The following DHX8 variants were observed in gnomAD, a reference collection of about 807,000 sequenced individuals.
The protein encoded by DHX8 is ATP-dependent RNA helicase DHX8.
A neutral mutation model predicts 140.7 loss-of-function variants in DHX8; 67 were observed. That is an observed-to-expected ratio of 0.48 (90% CI 0.39 to 0.58). The LOEUF (loss-of-function observed/expected upper bound fraction) is 0.58, where lower values mean the gene tolerates loss of function less well. DHX8 is among the 20% of genes least tolerant of loss of function. The pLI, the probability that DHX8 is intolerant of heterozygous loss-of-function variation, is 0.00. For missense variants in DHX8, 887 were observed against 1,550.7 expected (o/e 0.57, Z 7.19); for synonymous variants, 533 against 553.2 (o/e 0.96, Z 0.51).
chr17:43,520,852 T>G lies in DHX8; in HGVS notation c.3039T>G (p.Ser1013=). The change falls in exon 20 of 23, where the codon TCT becomes TCG. Residue 1013 remains serine (S), a synonymous_variant. Coordinates refer to ENST00000262415, the MANE Select transcript of DHX8 (RefSeq NM_004941.3). ...EEMLTIVSML[S]VQNVFYRPKD... is the part of the protein sequence containing the mutation. The stretch of plus-strand genomic sequence containing the variant: ...TGCTGACCATTGTATCCATGCTGTC[T>G]GTGCAGAACGTCTTCTATAGGCCCA... The G allele has an allele frequency of 6.2e-7, 1 of 1,613,696 alleles. No homozygotes were observed. Among genetic ancestry groups the G allele is most frequent in the Non-Finnish European group, 8.5e-7 (1 of 1,179,864 alleles).
At position 43,525,412 on chromosome 17, in the gene DHX8, A is replaced by T; in HGVS notation, c.*1565A>T. On this transcript the variant is annotated 3_prime_UTR_variant, in exon 23 of 23. Coordinates refer to ENST00000262415, the MANE Select transcript of DHX8 (RefSeq NM_004941.3). ...TTCAGAAAGAGTCCGAGGGAGAGGA[A>T]TATAGGCCAGGCAATCTGCTGGCTG... The T allele has an allele frequency of 1.0e-6, 1 of 982,684 alleles. No individual in the cohort carries two copies. The highest frequency in any genetic ancestry group is 1.2e-6 in the Non-Finnish European group (1 of 827,456). 60.9% of individuals were successfully genotyped at this position (982,684 alleles called of 1,614,324 possible).
intron 18 of DHX8, 22 bp from the exon 19 acceptor site, chr17:43,520,108 G>A (rs537540531): frequency 6.2e-7 from 1 of 1,613,780 alleles, no homozygotes; most frequent in African/African-American, 1.3e-5. Flanking sequence ...CTTATCACAT[G>A]CCTTCTTCCT....
chr17:43,500,233 C>T, intron 11 of DHX8, 130 bp downstream of exon 11: 1 of 1,047,350 alleles, frequency 9.5e-7, no homozygotes, highest in Non-Finnish European at 1.3e-6. Context: ...GCCTGTAATC[C>T]CAGCACTTTG....
chr17:43,496,323 G>T (rs752492249), intron 9 of DHX8, 55 bp downstream of exon 9: 1 of 1,307,342 alleles, frequency 7.6e-7, no homozygotes, highest in Non-Finnish European at 1.1e-6. Flanking sequence ...CATTGAATTG[G>T]GTGATTTGCC....
chr17:43,501,145 T>C (rs1567683325), intron 11 of DHX8, among the ~76,000 whole-genome samples: 1 of 152,144 alleles, frequency 6.6e-6, no homozygotes, highest in East Asian at 1.9e-4. Context: ...ATAATTAAAT[T>C]ATGATCAGTG....
chr17:43,521,460 A>G lies in DHX8; in HGVS notation c.3158A>G (p.Lys1053Arg). The change falls in exon 21 of 23, where the codon AAG becomes AGG. Residue 1053 changes from lysine (K) to arginine (R), a missense_variant. By Grantham distance (26) the Lys-to-Arg change is conservative. Coordinates refer to ENST00000262415, the MANE Select transcript of DHX8 (RefSeq NM_004941.3). ...CTGCTAGCTGTGTACAACTCCTGGA[A>G]GAACAACAAGTTCTCCAACCCATGG... ...LTLLAVYNSW[K>R]NNKFSNPWCY... is the part of the protein sequence containing the mutation. 1 of 1,613,966 alleles carries G rather than the reference A, an allele frequency of 6.2e-7. No individual in the cohort carries two copies.
chr17:43,517,112 A>C, intron 17 of DHX8, 55 bp from the exon 18 acceptor site: 2 of 1,520,310 alleles, frequency 1.3e-6, no homozygotes, highest in South Asian at 2.5e-5. Context: ...ATCCTGGGTA[A>C]AGCTGTTAAG....
Position 43,491,256 on chromosome 17 carries a change from G to A in DHX8, c.393+6G>A. 2.0e-6 allele frequency: 3 copies of A among 1,483,390 alleles called. No homozygotes were observed. Among genetic ancestry groups the A allele is most frequent in the Non-Finnish European group, 2.7e-6 (3 of 1,104,976 alleles). The allele number at this position is 1,483,390 out of a possible 1,614,324, so 91.9% of individuals were successfully genotyped here. A position where few individuals can be genotyped will look rare whatever the true frequency, so the allele number is the denominator to read the frequency against. ...CGGACAACCCTTCTGTTCGGGTACT[G>A]ATACCATTTTAAGAGTGTCTACTAT... On this transcript the variant is annotated splice_donor_region_variant and intron_variant, in intron 4 of 22. Coordinates refer to ENST00000262415, the MANE Select transcript of DHX8 (RefSeq NM_004941.3).
At chr17:43,505,740 T>C (rs1270175255) in intron 12 of DHX8, among the ~76,000 whole-genome samples, 1 of 152,134 alleles carries the variant, frequency 6.6e-6, no homozygotes, top group Non-Finnish European at 1.5e-5. Flanking sequence ...TAAACTCATA[T>C]GGGCAACTCA....
intron 3 of DHX8, among the ~76,000 whole-genome samples, chr17:43,490,670 T>C (rs1968459882): frequency 6.6e-6 from 1 of 152,028 alleles, no homozygotes; most frequent in Non-Finnish European, 1.5e-5. Context: ...CCCAGGAGTT[T>C]TAGACCAGCC....
intron 1 of DHX8, among the ~76,000 whole-genome samples, chr17:43,487,724 C>CCCAG (rs1968250545): frequency 6.6e-6 from 1 of 152,166 alleles, no homozygotes. Context: ...TGCCTGTAAT[C>CCCAG]CCAGCACTTC....
downstream of DHX8, chr17:43,525,909 A>G (rs1449570893): frequency 2.0e-6 from 2 of 985,266 alleles, no homozygotes; most frequent in Non-Finnish European, 2.4e-6. Context: ...CTGAGGTTGA[A>G]AAGGGATGTT....
Position 43,523,955 on chromosome 17 carries a change from C to CT in DHX8, c.*109dup. On this transcript the variant is annotated 3_prime_UTR_variant, in exon 23 of 23. Coordinates refer to ENST00000262415, the MANE Select transcript of DHX8 (RefSeq NM_004941.3). ...GCTGTCCCGTGACTGACTGTCTTAA[C>CT]TGAGCATTTTCTCAACTCGACTCTC... 1.3e-6 allele frequency: 2 copies of CT among 1,499,956 alleles called. No homozygotes were observed. Among genetic ancestry groups the CT allele is most frequent in the South Asian group, 2.7e-5 (2 of 74,918 alleles). The allele number at this position is 1,499,956 out of a possible 1,614,324, so 92.9% of individuals were successfully genotyped here.
chr17:43,525,258 T>C lies in DHX8; in HGVS notation c.*1411T>C, dbSNP rs561758385. The C allele has an allele frequency of 1.9e-5, 19 of 985,424 alleles. No individual in the cohort carries two copies. The East Asian group carries it at 1.8e-3, about 94-fold the overall frequency. The allele number at this position is 985,424 out of a possible 1,614,324, so 61.0% of individuals were successfully genotyped here. A position where few individuals can be genotyped will look rare whatever the true frequency, so the allele number is the denominator to read the frequency against. On this transcript the variant is annotated 3_prime_UTR_variant, in exon 23 of 23. Coordinates refer to ENST00000262415, the MANE Select transcript of DHX8 (RefSeq NM_004941.3). Reference sequence around the variant, plus strand: ...CTCCTGTCCTTATGTTATTAGTAAGTTCTGAAGTGATGTAAATGCTAGAAC... The same window carrying C: ...CTCCTGTCCTTATGTTATTAGTAAGCTCTGAAGTGATGTAAATGCTAGAAC...
At chr17:43,523,513 G>T in intron 22 of DHX8, 115 bp from the exon 23 acceptor site, 1 of 1,499,718 alleles carries the variant, frequency 6.7e-7, no homozygotes, top group Non-Finnish European at 8.9e-7. Flanking sequence ...TAGGTGTCAG[G>T]CAGGAGAGGT....
downstream of DHX8, chr17:43,529,213 C>T (rs769939536): frequency 4.3e-6 from 7 of 1,613,902 alleles, no homozygotes; most frequent in Admixed American, 1.7e-5. Context: ...GCCGGTTCTT[C>T]TGGATGCCCC....
chr17:43,506,857 T>A, intron 12 of DHX8, 146 bp from the exon 13 acceptor site: 3 of 565,884 alleles, frequency 5.3e-6, no homozygotes, highest in Non-Finnish European at 5.7e-6. Flanking sequence ...TATGTGTATA[T>A]TCCTCTTTTC....
chr17:43,521,974 G>T, intron 21 of DHX8, 73 bp from the exon 22 acceptor site: 2 of 1,521,288 alleles, frequency 1.3e-6, no homozygotes, highest in Non-Finnish European at 9.0e-7. Flanking sequence ...AGATGGATGT[G>T]TTGGGCACTG....
rs949876969 is a variant in DHX8 at position 43,524,324 on chromosome 17, G to A, written c.*477G>A. On this transcript the variant is annotated 3_prime_UTR_variant, in exon 23 of 23. Coordinates refer to ENST00000262415, the MANE Select transcript of DHX8 (RefSeq NM_004941.3). ...TTATTTTCTTAAGGAAACAAAAATG[G>A]TTTTCTGTGACTGTTTTCTTTTAGC... 5.0e-6 allele frequency: 5 copies of A among 1,003,392 alleles called. No homozygotes were observed. In the Admixed American group the frequency reaches 1.6e-4, roughly 33 times the overall value. 62.2% of individuals were successfully genotyped at this position (1,003,392 alleles called of 1,614,324 possible).
Sources: gnomAD v4.1 joint callset for allele counts (sites outside exome capture counted in the v4.1 genomes callset) on GRCh38, gnomAD v4.1.1 for gene constraint, MANE v1.5 for transcripts, NCBI Gene and HGNC (gene_info 2026-07-23, HGNC 2026-07-21) for gene names.